The following LRP1B variants were observed in gnomAD, a reference collection of about 807,000 sequenced individuals.
LRP1B encodes the protein LDL receptor related protein 1B.
LRP1B carries 217 observed loss-of-function variants against 556.6 expected under a neutral mutation model. The ratio of observed to expected loss-of-function variants is 0.39; its 90% CI spans 0.35 to 0.44. LRP1B has a LOEUF of 0.44. LRP1B is among the 20% of genes least tolerant of loss of function. The pLI, the probability that LRP1B is intolerant of heterozygous loss-of-function variation, is 1.00. For missense variants in LRP1B, 5,053 were observed against 5,620.8 expected, an observed-to-expected ratio of 0.90 and a Z score of 3.23; for synonymous variants, 2,047 against 1,865.8, an observed-to-expected ratio of 1.10 and a Z score of -2.50.
At chr2:140,312,523 A>T (rs1190468148) in intron 83 of LRP1B, among the ~76,000 whole-genome samples, 1 of 151,952 alleles carries the variant, frequency 6.6e-6, no homozygotes, top group Non-Finnish European at 1.5e-5. Flanking sequence ...TAACAGCAAA[A>T]ATGTCTTAAT....
chr2:140,349,797 A>T (rs567741146), intron 77 of LRP1B, among the ~76,000 whole-genome samples: 1 of 152,166 alleles, frequency 6.6e-6, no homozygotes, highest in African/African-American at 2.4e-5. Flanking sequence ...ATAGGAATTG[A>T]ACAATTCTGG....
chr2:141,168,585 TTAC>T (rs1474683629), intron 7 of LRP1B, among the ~76,000 whole-genome samples: 1 of 152,064 alleles, frequency 6.6e-6, no homozygotes, highest in African/African-American at 2.4e-5. Context: ...AGAAAAATAA[TTAC>T]AACAACAGTA....
At chr2:141,481,606 T>G (rs1329706073) in intron 2 of LRP1B, among the ~76,000 whole-genome samples, 1 of 152,156 alleles carries the variant, frequency 6.6e-6, no homozygotes. Flanking sequence ...AGGGTTGTTG[T>G]GAATGTCAAC....
intron 1 of LRP1B, among the ~76,000 whole-genome samples, chr2:142,063,045 C>G (rs1574645869): frequency 8.7e-6 from 1 of 115,188 alleles, no homozygotes; most frequent in Non-Finnish European, 1.8e-5. Flanking sequence ...AAGATGGAAG[C>G]ATTACCTGAC....
At chr2:140,338,600 T>C (rs1248300653) in intron 77 of LRP1B, among the ~76,000 whole-genome samples, 1 of 151,724 alleles carries the variant, frequency 6.6e-6, no homozygotes, top group African/African-American at 2.4e-5. Context: ...GAGTCTGATA[T>C]TGAATGGATG....
chr2:141,344,709 T>A (rs551044661), intron 3 of LRP1B, among the ~76,000 whole-genome samples: 30 of 152,324 alleles, frequency 2.0e-4, no homozygotes, highest in African/African-American at 7.0e-4. Context: ...CTAATGTTTT[T>A]CCCACTGTAT....
At chr2:141,928,093 G>A (rs1342484722) in intron 1 of LRP1B, among the ~76,000 whole-genome samples, 1 of 152,102 alleles carries the variant, frequency 6.6e-6, no homozygotes, top group East Asian at 1.9e-4. Context: ...CCAAAGTGTA[G>A]TGGGACAACA....
In LRP1B at chr2:140,779,990, T is replaced by C. The variant is rs1009307765; in HGVS notation, c.5360-3752A>G. 4.6e-5 allele frequency among the ~76,000 whole-genome samples: 7 copies of C among 151,162 alleles called. No homozygotes were observed. The East Asian group carries it at 1.4e-3, about 30-fold the overall frequency. ...TGAGGCAAGCATAAAAAGCTGTCTA[T>C]ATTGGATCATGAGAATAGAAGACTC... On this transcript the variant is annotated intron_variant, in intron 32 of 90. Transcript: ENST00000389484.
intron 7 of LRP1B, among the ~76,000 whole-genome samples, chr2:141,087,017 C>T (rs1700063651): frequency 6.6e-6 from 1 of 152,190 alleles, no homozygotes; most frequent in African/African-American, 2.4e-5. Context: ...ATCCCACTTA[C>T]ATAGCACTGA....
intron 2 of LRP1B, among the ~76,000 whole-genome samples, chr2:141,638,985 CA>C (rs1199825487): frequency 2.0e-4 from 10 of 49,924 alleles, no homozygotes; most frequent in African/African-American, 5.7e-4. Context: ...CTTAGAGTCT[CA>C]AAAAAAAATA....
In LRP1B at chr2:140,492,643, T is replaced by G. The variant is rs779643920; in HGVS notation, c.9085A>C (p.Ser3029Arg). Residue 3029 changes from serine to arginine, a missense_variant, in exon 57 of 91, where the codon AGC becomes CGC. By Grantham distance (110) the Ser-to-Arg change is moderately radical. This residue lies in a region of LRP1B where 3,619 missense variants were observed against 3,931.9 expected (regional missense o/e 0.92). Transcript: ENST00000389484. ...AGTGTGTAGTTGGAGCCATCAGTGC[T>G]AATTTTCCTTATCTCATGATGATCA... ...LADHHEIRKISTDGSNYTLLK... is the reference protein window; with the variant it reads ...LADHHEIRKIRTDGSNYTLLK... The G allele has an allele frequency of 1.2e-6, 2 of 1,613,770 alleles. No homozygotes were observed. The highest frequency in any genetic ancestry group is 2.2e-5 in the South Asian group (2 of 91,072).
intron 1 of LRP1B, among the ~76,000 whole-genome samples, chr2:141,867,363 C>T (rs114910162): frequency 0.039 from 5,977 of 152,050 alleles, 154 homozygotes; most frequent in Non-Finnish European, 0.062. Flanking sequence ...ATTAATTTTT[C>T]TAATCATATT....
intron 2 of LRP1B, among the ~76,000 whole-genome samples, chr2:141,580,619 A>G (rs887963043): frequency 7.2e-5 from 11 of 152,226 alleles, no homozygotes; most frequent in African/African-American, 2.7e-4. Flanking sequence ...TTGAAAGACC[A>G]TATAAAAATA....
intron 7 of LRP1B, among the ~76,000 whole-genome samples, chr2:141,143,857 T>C (rs1291182789): frequency 2.7e-5 from 4 of 150,584 alleles, no homozygotes; most frequent in Non-Finnish European, 5.9e-5. Flanking sequence ...TTCCAGGGGA[T>C]CAAAATAAAA....
chr2:141,580,739 A>G (rs1206947331), intron 2 of LRP1B, among the ~76,000 whole-genome samples: 5 of 152,246 alleles, frequency 3.3e-5, no homozygotes, highest in Admixed American at 1.3e-4. Context: ...ACAAAGCACA[A>G]AACTTCACGG....
At chr2:140,553,153 C>T (rs1680607339) in intron 43 of LRP1B, among the ~76,000 whole-genome samples, 1 of 152,066 alleles carries the variant, frequency 6.6e-6, no homozygotes, top group Admixed American at 6.6e-5. Context: ...GAAATGACAG[C>T]TTGGTCCCTG....
intron 32 of LRP1B, among the ~76,000 whole-genome samples, chr2:140,811,007 T>C (rs139515808): frequency 0.013 from 1,940 of 152,320 alleles, 60 homozygotes; most frequent in African/African-American, 0.044. Flanking sequence ...AGTGCTGGGA[T>C]TACAGGCGTA....
At chr2:140,692,289 A>T (rs1686273415) in intron 41 of LRP1B, among the ~76,000 whole-genome samples, 1 of 152,130 alleles carries the variant, frequency 6.6e-6, no homozygotes, top group South Asian at 2.1e-4. Context: ...ATTTGTTTTA[A>T]TCAAATTGTG....
At chr2:140,771,967 G>C (rs1176282017) in intron 33 of LRP1B, among the ~76,000 whole-genome samples, 2 of 152,162 alleles carry the variant, frequency 1.3e-5, no homozygotes, top group Non-Finnish European at 2.9e-5. Context: ...GGTCTGATGA[G>C]ATTTAATTGT....
Sources: gnomAD v4.1 joint callset for allele counts (sites outside exome capture counted in the v4.1 genomes callset) on GRCh38, gnomAD v4.1.1 for gene constraint, gnomAD v4.1.1 regional missense constraint, MANE v1.5 for transcripts, NCBI Gene and HGNC (gene_info 2026-07-23, HGNC 2026-07-21) for gene names.